CFAP46: variants seen among roughly 807,000 people sequenced by gnomAD.
The protein encoded by CFAP46 is cilia and flagella associated protein 46.
Under a neutral mutation model 325.7 loss-of-function variants are expected in CFAP46, and 245 were observed. The ratio of observed to expected loss-of-function variants is 0.75; its 90% CI spans 0.68 to 0.84. The LOEUF is 0.84. Ranked by LOEUF, CFAP46 falls within the 40% of genes least tolerant of loss-of-function variation. The pLI is 0.00. For missense variants in CFAP46, 3,346 were observed against 3,543.0 expected (o/e 0.94, Z 1.41); for synonymous variants, 1,523 against 1,495.9 (o/e 1.02, Z -0.42).
Position 132,860,535 on chromosome 10 carries a change from C to G in CFAP46, c.5092-12G>C. 6.5e-7 allele frequency: 1 copy of G among 1,534,294 alleles called. No individual in the cohort carries two copies. The highest frequency in any genetic ancestry group is 2.5e-5 in the East Asian group (1 of 40,808). ...AATATGTGACACACCTGAGGACAGG[C>G]AGGGGTGGATACGGGTGTGTCTGAG... On this transcript the variant is annotated splice_polypyrimidine_tract_variant and intron_variant, in intron 36 of 57. Coordinates refer to ENST00000368586, the MANE Select transcript of CFAP46 (RefSeq NM_001200049.3).
intron 44 of CFAP46, among the ~76,000 whole-genome samples, chr10:132,837,470 G>GAC (rs754696579): frequency 1.6e-5 from 2 of 124,792 alleles, no homozygotes; most frequent in East Asian, 4.1e-4. Flanking sequence ...GACATGCACA[G>GAC]ACACACACAT....
In CFAP46 at chr10:132,812,904, A is replaced by C; in HGVS notation, c.7389-7T>G. 1 of 1,603,212 alleles carries C rather than the reference A, an allele frequency of 6.2e-7. No homozygotes were observed. Among genetic ancestry groups the C allele is most frequent in the Non-Finnish European group, 8.5e-7 (1 of 1,177,494 alleles). On this transcript the variant is annotated splice_polypyrimidine_tract_variant and splice_region_variant and intron_variant, in intron 54 of 57. Transcript: ENST00000368586. ...CTGCTCCCACTGGGCCTGGCTGCAG[A>C]GAGAGGAGAGCGCTGGTCAACAGTG...
At chr10:132,846,733 G>A (rs1381311169) in intron 43 of CFAP46, among the ~76,000 whole-genome samples, 199 bp downstream of exon 43, 4 of 152,246 alleles carry the variant, frequency 2.6e-5, no homozygotes, top group Admixed American at 6.5e-5. Flanking sequence ...CGATGCAGGG[G>A]ATCGGGGATA....
rs998991884 is a variant in CFAP46, at chr10:132,832,399, C to CT, written c.7117+958_7117+959insA. Among the ~76,000 whole-genome samples the CT allele has an allele frequency of 7.6e-6, 1 of 131,066 alleles. No homozygotes were observed. Among genetic ancestry groups the CT allele is most frequent in the Non-Finnish European group, 1.7e-5 (1 of 58,280 alleles). The allele number at this position is 131,066 out of a possible 152,430, so 86.0% of individuals were successfully genotyped here. ...CCTGGGCTCTTCCTGCCCCCCCCCC[C>CT]CAATGCTGTGGCCTGGAAATTCCCC... On this transcript the variant is annotated intron_variant, in intron 50 of 57. Coordinates refer to ENST00000368586, the MANE Select transcript of CFAP46 (RefSeq NM_001200049.3). This position sits in a 1 kb window ranked among gnomAD's most constrained non-coding sequence, Gnocchi z 4.1.
rs75729732 is a variant in CFAP46, at chr10:132,924,652, C to A, written c.1256+44G>T. On this transcript the variant is annotated intron_variant, in intron 11 of 57. Transcript: ENST00000368586. ...TTCTCCTCCTCTGTCTCCTCCTATG[C>A]GCCACGCCCTCTGTGGAGGACACAG... is the stretch of plus-strand genomic sequence containing the variant. 3 of 1,412,116 alleles carry A rather than the reference C, an allele frequency of 2.1e-6. No individual in the cohort carries two copies. In the East Asian group the frequency reaches 8.4e-5, roughly 40 times the overall value. 87.5% of individuals were successfully genotyped at this position (1,412,116 alleles called of 1,614,324 possible). A position where few individuals can be genotyped will look rare whatever the true frequency, so the allele number is the denominator to read the frequency against.
At chr10:132,916,794 G>A in intron 16 of CFAP46, 112 bp from the exon 17 acceptor site, 1 of 1,367,330 alleles carries the variant, frequency 7.3e-7, no homozygotes, top group Non-Finnish European at 9.5e-7. Flanking sequence ...CCAAGCACAG[G>A]CTGTGAGACC....
In CFAP46 at chr10:132,847,110, C is replaced by G; in HGVS notation, c.6089G>C (p.Arg2030Thr). Residue 2030 changes from arginine (R) to threonine (T), a missense_variant and splice_region_variant, in exon 43 of 58, where the codon AGG becomes ACG. Coordinates refer to ENST00000368586, the MANE Select transcript of CFAP46 (RefSeq NM_001200049.3). The surrounding 1 kb of genome is among the most constrained non-coding windows in gnomAD (Gnocchi z 5.2). ...GTACTGCTGGGCCAGAACCATCCTCCTCTGTGGGGCACAAGGCTCAGGCTC... is the reference window on the plus strand; with the variant it reads ...GTACTGCTGGGCCAGAACCATCCTCGTCTGTGGGGCACAAGGCTCAGGCTC... ...EHCRRGEDLK[R>T]RMVLAQQYLA... The G allele has an allele frequency of 6.2e-7, 1 of 1,609,768 alleles. No individual in the cohort carries two copies. The highest frequency in any genetic ancestry group is 8.5e-7 in the Non-Finnish European group (1 of 1,178,478).
chr10:132,913,351 T>TG, intron 17 of CFAP46, 93 bp from the exon 18 acceptor site: 1 of 473,576 alleles, frequency 2.1e-6, no homozygotes, highest in East Asian at 6.1e-5. Context: ...GGAACCAGGC[T>TG]GCAGGGCAAG....
At chr10:132,857,992 A>C (rs189118625) in intron 38 of CFAP46, among the ~76,000 whole-genome samples, 2 of 152,350 alleles carry the variant, frequency 1.3e-5, no homozygotes, top group Non-Finnish European at 2.9e-5. Context: ...ATGGTTATAA[A>C]AATTAAGTGT....
chr10:132,847,467 A>T lies in CFAP46; in HGVS notation c.5953-146T>A. 3.2e-6 allele frequency: 3 copies of T among 942,128 alleles called. No homozygotes were observed. The highest frequency in any genetic ancestry group is 4.9e-6 in the Non-Finnish European group (3 of 617,356). The allele number at this position is 942,128 out of a possible 1,614,324, so 58.4% of individuals were successfully genotyped here. A position where few individuals can be genotyped will look rare whatever the true frequency, so the allele number is the denominator to read the frequency against. On this transcript the variant is annotated intron_variant, in intron 41 of 57. Transcript: ENST00000368586. This position sits in a 1 kb window ranked among gnomAD's most constrained non-coding sequence, Gnocchi z 5.2. Reference sequence around the variant, plus strand: ...ACCGCAGGCCACAGCATGGCCTCTCACTATCCCAAACCCTCCATCCCTGAG... The same window carrying T: ...ACCGCAGGCCACAGCATGGCCTCTCTCTATCCCAAACCCTCCATCCCTGAG...
chr10:132,839,255 C>T (rs1450696830), intron 44 of CFAP46, among the ~76,000 whole-genome samples: 2 of 152,218 alleles, frequency 1.3e-5, no homozygotes, highest in Non-Finnish European at 2.9e-5. Context: ...CCTGTGTCTC[C>T]CGTGGCCACA....
rs1265885793 is a variant in CFAP46, at chr10:132,808,769, T to A, written c.7800A>T (p.Pro2600=). 3 of 1,591,698 alleles carry A rather than the reference T, an allele frequency of 1.9e-6. No individual in the cohort carries two copies. Among genetic ancestry groups the A allele is most frequent in the Middle Eastern group, 1.7e-4 (1 of 6,002 alleles). Residue 2600 remains proline, a synonymous_variant, in exon 58 of 58, where the codon CCA becomes CCT. Transcript: ENST00000368586. This position sits in a 1 kb window ranked among gnomAD's most constrained non-coding sequence, Gnocchi z 6.8. ...HRVVQAWTCL[P]SAAGAPALAS... ...CAAGTGCTGGGGCCCCAGCAGCTGA[T>A]GGGAGGCAGGTCCAGGCCTGCACTA...
In CFAP46 at chr10:132,814,083, G is replaced by A. The variant is rs981732059; in HGVS notation, c.7388+69C>T. On this transcript the variant is annotated intron_variant, in intron 54 of 57. Coordinates refer to ENST00000368586, the MANE Select transcript of CFAP46 (RefSeq NM_001200049.3). ...AGACCCAGGGAGCCGGGGGTAGGGG[G>A]CAGTGGCTCCCCGCTGGACCCCCAG... The A allele has an allele frequency of 1.6e-5, 20 of 1,241,400 alleles. 1 individual carries two copies. The African/African-American group carries it at 2.8e-4, about 18-fold the overall frequency. 76.9% of individuals were successfully genotyped at this position (1,241,400 alleles called of 1,614,324 possible). A position where few individuals can be genotyped will look rare whatever the true frequency, so the allele number is the denominator to read the frequency against.
At chr10:132,860,695 C>A in intron 36 of CFAP46, 87 bp downstream of exon 36, 2 of 1,422,304 alleles carry the variant, frequency 1.4e-6, no homozygotes, top group South Asian at 2.6e-5. Flanking sequence ...AGCGGTCTGC[C>A]AGGCAGAGCC....
chr10:132,891,554 T>C (rs189218698), intron 25 of CFAP46, among the ~76,000 whole-genome samples: 38 of 152,328 alleles, frequency 2.5e-4, no homozygotes, highest in Non-Finnish European at 4.6e-4. Context: ...CTCTGACATA[T>C]TTTGAAGGGG....
At chr10:132,822,295 T>G (rs1462280663) in intron 50 of CFAP46, among the ~76,000 whole-genome samples, 4 of 100,920 alleles carry the variant, frequency 4.0e-5, no homozygotes, top group Admixed American at 1.2e-4. Context: ...GGTGTGCTGA[T>G]GTGTGCACTG....
At chr10:132,814,816 C>T (rs369610087) in intron 51 of CFAP46, 28 bp downstream of exon 51, 277 of 1,613,966 alleles carry the variant, frequency 1.7e-4, no homozygotes, top group Admixed American at 2.5e-4. Flanking sequence ...CCCACCAGCC[C>T]GATCCCCTAT....
At chr10:132,818,577 G>T (rs569788626) in intron 50 of CFAP46, among the ~76,000 whole-genome samples, 12 of 152,258 alleles carry the variant, frequency 7.9e-5, no homozygotes, top group African/African-American at 2.6e-4. Flanking sequence ...AACAGGCCAG[G>T]TGCGGTGGTT....
At chr10:132,924,961 G>A (rs1245473213) in intron 10 of CFAP46, 75 bp from the exon 11 acceptor site, 81 of 1,241,162 alleles carry the variant, frequency 6.5e-5, no homozygotes, top group Non-Finnish European at 8.3e-5. Flanking sequence ...CCTGCGTGCA[G>A]GGCACACTGA....
Sources: allele counts gnomAD v4.1 joint callset (sites outside exome capture counted in the v4.1 genomes callset), GRCh38; gene constraint gnomAD v4.1.1; non-coding constraint Gnocchi (gnomAD v3.1); transcripts MANE v1.5; gene names NCBI Gene and HGNC (gene_info 2026-07-23, HGNC 2026-07-21).